Variants in RAB3GAP1 observed in about 807,000 individuals in gnomAD.
The protein encoded by RAB3GAP1 is rab3 GTPase-activating protein catalytic subunit.
In RAB3GAP1, 86 loss-of-function variants were observed where a neutral mutation model predicts 130.7. The observed-to-expected ratio is 0.66, with a 90% CI of 0.55 to 0.79. RAB3GAP1 has a LOEUF of 0.79. Among genes scored for constraint, RAB3GAP1 ranks in the 30% least tolerant of loss-of-function variants. The pLI is 0.00. For missense variants in RAB3GAP1, 1,029 were observed against 1,169.4 expected (o/e 0.88, Z 1.75); for synonymous variants, 367 against 401.7 (o/e 0.91, Z 1.03).
chr2:135,059,582 A>G (rs994364047), intron 3 of RAB3GAP1, among the ~76,000 whole-genome samples: 1 of 152,192 alleles, frequency 6.6e-6, no homozygotes, highest in East Asian at 1.9e-4. Context: ...ATATAATCAA[A>G]TCAGGGTACT....
chr2:135,150,295 C>A (rs947736106), intron 17 of RAB3GAP1, 74 bp from the exon 18 acceptor site: 11 of 1,568,860 alleles, frequency 7.0e-6, no homozygotes, highest in African/African-American at 5.4e-5. Context: ...TGACTGTTGT[C>A]TTTATTCTAT....
chr2:135,130,147 T>C, intron 12 of RAB3GAP1, 60 bp downstream of exon 12: 2 of 1,326,628 alleles, frequency 1.5e-6, no homozygotes, highest in Non-Finnish European at 2.2e-6. Context: ...CCTTGGCACA[T>C]TTTTCAGCAA....
rs758273293 is a variant in RAB3GAP1 at position 135,162,569 on chromosome 2, G to A, written c.2304G>A (p.Leu768=). 1.9e-6 allele frequency: 3 copies of A among 1,613,690 alleles called. No individual in the cohort carries two copies. Among genetic ancestry groups the A allele is most frequent in the African/African-American group, 2.7e-5 (2 of 75,018 alleles). The change falls in exon 20 of 24, where the codon CTG becomes CTA. Residue 768 remains leucine, a synonymous_variant. Transcript: ENST00000264158. ...ACCTCCTTCAGGTGCTGCACTATCT[G>A]GCAATCCAGAAACCTGCAGACCTTG... ...TREAEKVLHY[L]AIQKPADLAR...
rs1333751423 is a variant in RAB3GAP1, at chr2:135,162,630, G to A, written c.2365G>A (p.Val789Ile). ...GTTACCTTGTGTGATTCATGCAGCT[G>A]TACTCAAGGTAAAGGAAGAAGGTAA... ...HLLPCVIHAA[V>I]LKVKEEESLE... The change falls in exon 20 of 24, where the codon GTA becomes ATA. Residue 789 changes from valine to isoleucine, a missense_variant. Physicochemically the swap from Val to Ile is conservative, Grantham distance 29 (BLOSUM62 3). Coordinates refer to ENST00000264158, the MANE Select transcript of RAB3GAP1 (RefSeq NM_012233.3). The A allele has an allele frequency of 6.2e-7, 1 of 1,614,012 alleles. No individual in the cohort carries two copies. Among genetic ancestry groups the A allele is most frequent in the South Asian group, 1.1e-5 (1 of 91,076 alleles).
At chr2:135,154,317 G>T (rs1319878130) in intron 19 of RAB3GAP1, among the ~76,000 whole-genome samples, 1 of 152,070 alleles carries the variant, frequency 6.6e-6, no homozygotes, top group African/African-American at 2.4e-5. Flanking sequence ...TCCATTAGTG[G>T]CCAGCTTTAC....
chr2:135,130,176 A>C, intron 12 of RAB3GAP1, 89 bp downstream of exon 12: 1 of 1,098,316 alleles, frequency 9.1e-7, no homozygotes, highest in Non-Finnish European at 1.4e-6. Context: ...CTGTTTTCTC[A>C]TTTTGAATTA....
intron 10 of RAB3GAP1, 35 bp downstream of exon 10, chr2:135,126,284 A>T (rs1370220353): frequency 6.8e-7 from 1 of 1,468,384 alleles, no homozygotes; most frequent in Admixed American, 1.8e-5. Flanking sequence ...CACTGAGATT[A>T]AAAAACTTCA....
At chr2:135,078,686 TCCCCTGCCCTCCCCTCC>T (rs1689699768) in intron 3 of RAB3GAP1, among the ~76,000 whole-genome samples, 1 of 20,554 alleles carries the variant, frequency 4.9e-5, no homozygotes, top group African/African-American at 2.7e-4. Context: ...TCCCCTCCCC[TCCCCTGCCCTCCCCTCC>T]CCTCTCCTTT....
intron 22 of RAB3GAP1, 23 bp from the exon 23 acceptor site, chr2:135,164,570 TC>T (rs1391461890): frequency 6.4e-7 from 1 of 1,574,718 alleles, no homozygotes; most frequent in Non-Finnish European, 8.7e-7. Context: ...TTCCACCCTT[TC>T]ATTGCCTGTC....
chr2:135,101,893 C>T (rs1045798851), intron 5 of RAB3GAP1, among the ~76,000 whole-genome samples: 1 of 151,770 alleles, frequency 6.6e-6, no homozygotes, highest in African/African-American at 2.4e-5. Flanking sequence ...ATATAAATAG[C>T]CCTGGAAATG....
chr2:135,073,191 A>C (rs1689526562), intron 3 of RAB3GAP1, among the ~76,000 whole-genome samples: 1 of 152,222 alleles, frequency 6.6e-6, no homozygotes, highest in African/African-American at 2.4e-5. Flanking sequence ...TGGTCCCTTA[A>C]GTAATATAAA....
intron 2 of RAB3GAP1, among the ~76,000 whole-genome samples, chr2:135,055,880 A>G (rs1048651512): frequency 6.6e-6 from 1 of 151,570 alleles, no homozygotes; most frequent in African/African-American, 2.4e-5. Context: ...TCTGTCGCCC[A>G]GGCTGGAGTG....
chr2:135,136,828 C>A, intron 17 of RAB3GAP1: 1 of 538,660 alleles, frequency 1.9e-6, no homozygotes, highest in Non-Finnish European at 2.7e-6. Flanking sequence ...GGCACAATGG[C>A]TCAAGCCTGC....
At chr2:135,080,116 CAAAA>C (rs764426198) in intron 3 of RAB3GAP1, among the ~76,000 whole-genome samples, 5 of 73,294 alleles carry the variant, frequency 6.8e-5, no homozygotes, top group South Asian at 9.4e-4. Context: ...GACTCCGTCT[CAAAA>C]AAAAAAAAAA....
At chr2:135,103,380 T>A (rs2104894797) in intron 5 of RAB3GAP1, among the ~76,000 whole-genome samples, 1 of 152,212 alleles carries the variant, frequency 6.6e-6, no homozygotes, top group African/African-American at 2.4e-5. Context: ...GTAATAGAGA[T>A]ACATGTAAAA....
intron 5 of RAB3GAP1, among the ~76,000 whole-genome samples, chr2:135,099,560 C>T (rs994519588): frequency 9.9e-5 from 15 of 151,708 alleles, no homozygotes; most frequent in South Asian, 4.2e-4. Context: ...ATTTTCTTTT[C>T]TCCTGCTTTG....
intron 3 of RAB3GAP1, among the ~76,000 whole-genome samples, chr2:135,079,118 C>G (rs1022700933): frequency 2.0e-5 from 3 of 152,118 alleles, no homozygotes; most frequent in East Asian, 1.9e-4. Flanking sequence ...ATCTGCCTGC[C>G]TCAGCCTCCC....
chr2:135,080,905 A>T (rs1276609004), intron 3 of RAB3GAP1, among the ~76,000 whole-genome samples: 1 of 152,198 alleles, frequency 6.6e-6, no homozygotes, highest in Admixed American at 6.5e-5. Context: ...ATCTTGATCC[A>T]GGCTGAAGGC....
chr2:135,113,090 A>G (rs1690862193), intron 5 of RAB3GAP1, 61 bp from the exon 6 acceptor site: 4 of 1,610,462 alleles, frequency 2.5e-6, no homozygotes, highest in Middle Eastern at 1.6e-4. Context: ...GTGCTTTTCA[A>G]GTAATGGATT....
Sources: gnomAD v4.1 joint callset for allele counts (sites outside exome capture counted in the v4.1 genomes callset) on GRCh38, gnomAD v4.1.1 for gene constraint, MANE v1.5 for transcripts, NCBI Gene and HGNC (gene_info 2026-07-23, HGNC 2026-07-21) for gene names.